Variants in RALGAPB observed in about 807,000 individuals in gnomAD.
RALGAPB encodes Ral GTPase activating protein non-catalytic subunit beta.
Under a neutral mutation model 161.1 loss-of-function variants are expected in RALGAPB, and 25 were observed. The ratio of observed to expected loss-of-function variants is 0.16; its 90% CI spans 0.11 to 0.22. The LOEUF (loss-of-function observed/expected upper bound fraction) is 0.22, where lower values mean the gene tolerates loss of function less well. Among genes scored for constraint, RALGAPB ranks in the 10% least tolerant of loss-of-function variants. The probability of loss-of-function intolerance (pLI) is 1.00; values close to 1 mark genes in which losing one functional copy is unlikely to be tolerated. For missense variants in RALGAPB, 1,391 were observed against 1,815.2 expected, an observed-to-expected ratio of 0.77 and a Z score of 4.25; for synonymous variants, 629 against 626.1, an observed-to-expected ratio of 1.00 and a Z score of -0.07.
chr20:38,541,097 C>G lies in RALGAPB; in HGVS notation c.2619C>G (p.Ser873=). Residue 873 remains serine, a synonymous_variant, in exon 18 of 30, where the codon TCC becomes TCG. Coordinates refer to ENST00000262879, the MANE Select transcript of RALGAPB (RefSeq NM_020336.4). The part of the protein sequence containing the change: ...IVELGISGSK[S]KNNEQEVKYK... The stretch of plus-strand genomic sequence containing the variant: ...AACTGGGTATCTCAGGAAGTAAGTC[C>G]AAGAACAATGAGCAAGAGGTCAAGT... 1.2e-6 allele frequency: 2 copies of G among 1,613,996 alleles called. No individual in the cohort carries two copies. Among genetic ancestry groups the G allele is most frequent in the Non-Finnish European group, 1.7e-6 (2 of 1,179,986 alleles).
intron 3 of RALGAPB, among the ~76,000 whole-genome samples, chr20:38,493,656 C>T (rs2085336847): frequency 6.6e-6 from 1 of 152,154 alleles, no homozygotes; most frequent in African/African-American, 2.4e-5. Context: ...AGCAGTAGAA[C>T]ATGTTTCCTT....
intron 1 of RALGAPB, among the ~76,000 whole-genome samples, chr20:38,473,931 CTCTT>C (rs1443096325): frequency 2.0e-5 from 3 of 152,170 alleles, no homozygotes; most frequent in Non-Finnish European, 4.4e-5. Context: ...AAAAGCATCT[CTCTT>C]TCTCCAGCTT....
In RALGAPB at chr20:38,486,974, C is replaced by T. The variant is rs898556646; in HGVS notation, c.-30-1429C>T. On this transcript the variant is annotated intron_variant, in intron 1 of 29. Transcript: ENST00000262879. ...CTGACACTTTTGTGGTGAATGTATC[C>T]GTACACCACTAATGAATGAGCTAAT... is the stretch of plus-strand genomic sequence containing the variant. Among the ~76,000 whole-genome samples, 11 of 152,280 alleles carry T rather than the reference C, an allele frequency of 7.2e-5. 1 individual carries two copies. In the East Asian group the frequency reaches 2.1e-3, roughly 29 times the overall value.
chr20:38,548,831 T>TGTG, intron 20 of RALGAPB, 36 bp downstream of exon 20: 1 of 1,520,844 alleles, frequency 6.6e-7, no homozygotes. Flanking sequence ...TGTGTGTGTG[T>TGTG]TTTGTAATTT....
intron 7 of RALGAPB, 102 bp from the exon 8 acceptor site, chr20:38,517,400 ATAGT>A: frequency 8.7e-7 from 1 of 1,153,638 alleles, no homozygotes; most frequent in Non-Finnish European, 1.2e-6. Flanking sequence ...AATCTCTGCT[ATAGT>A]CTATGTGTCC....
intron 4 of RALGAPB, 22 bp from the exon 5 acceptor site, chr20:38,499,425 G>T (rs201059121): frequency 7.7e-6 from 12 of 1,557,322 alleles, no homozygotes; most frequent in Non-Finnish European, 9.6e-6. Flanking sequence ...TGCCAAAGAT[G>T]TGTTTTCTTT....
chr20:38,570,052 C>A, intron 27 of RALGAPB, 56 bp downstream of exon 27: 2 of 1,404,414 alleles, frequency 1.4e-6, no homozygotes, highest in Non-Finnish European at 2.0e-6. Flanking sequence ...CAGTGACTTG[C>A]TAAATGTCTA....
intron 28 of RALGAPB, among the ~76,000 whole-genome samples, chr20:38,573,183 C>T (rs1202663618): frequency 6.6e-6 from 1 of 151,724 alleles, no homozygotes; most frequent in Non-Finnish European, 1.5e-5. Context: ...CCTCCTGCCT[C>T]GGCCTCTCAA....
Position 38,479,966 on chromosome 20 carries a change from TAAG to T in RALGAPB, c.-31+6898_-31+6900del, listed in dbSNP as rs539006724. Among the ~76,000 whole-genome samples, 109 of 152,220 alleles carry T rather than the reference TAAG, an allele frequency of 7.2e-4. 1 individual carries two copies. Among genetic ancestry groups the T allele is most frequent in the African/African-American group, 2.5e-3 (103 of 41,534 alleles). The stretch of plus-strand genomic sequence containing the variant: ...AGTTCCCGATGTGTCATGCCTGTGG[TAAG>T]GTTAAACTTTCTTCTTTTTTTTTTT... On this transcript the variant is annotated intron_variant, in intron 1 of 29. Transcript: ENST00000262879.
Position 38,566,864 on chromosome 20 carries a change from A to G in RALGAPB, c.3818-232A>G, listed in dbSNP as rs560244510. ...CGCCAAGAATGGGTTTTACATTCTT[A>G]AAGGGTTATAAATAAAATATAAAGA... On this transcript the variant is annotated intron_variant, in intron 25 of 29. Transcript: ENST00000262879. 4.6e-5 allele frequency among the ~76,000 whole-genome samples: 7 copies of G among 152,352 alleles called. No individual in the cohort carries two copies. The South Asian group carries it at 1.2e-3, about 27-fold the overall frequency.
At position 38,545,742 on chromosome 20, in the gene RALGAPB, G is replaced by A. The variant is rs777473504; in HGVS notation, c.2715-501G>A. Among the ~76,000 whole-genome samples the A allele has an allele frequency of 2.8e-4, 42 of 152,180 alleles. 1 individual carries two copies. The highest frequency in any genetic ancestry group is 4.1e-4 in the Non-Finnish European group (28 of 68,046). Reference sequence around the variant, plus strand: ...GCCTCTAATGGTTTGCAGAAAATAGGAGAAACACCAGGAGATCAATAATGA... The same window carrying A: ...GCCTCTAATGGTTTGCAGAAAATAGAAGAAACACCAGGAGATCAATAATGA... On this transcript the variant is annotated intron_variant, in intron 18 of 29. Coordinates refer to ENST00000262879, the MANE Select transcript of RALGAPB (RefSeq NM_020336.4).
chr20:38,473,270 C>G (rs534790357), intron 1 of RALGAPB, among the ~76,000 whole-genome samples: 2 of 152,208 alleles, frequency 1.3e-5, no homozygotes, highest in African/African-American at 4.8e-5. Flanking sequence ...CGGCTGCTGT[C>G]GAGTCTGTGT....
intron 23 of RALGAPB, among the ~76,000 whole-genome samples, chr20:38,560,412 C>T (rs965022924): frequency 1.3e-5 from 2 of 152,134 alleles, no homozygotes; most frequent in African/African-American, 4.8e-5. Context: ...AGCAGATTGT[C>T]ACTGACAAAA....
At position 38,558,333 on chromosome 20, in the gene RALGAPB, A is replaced by G. The variant is rs761209005; in HGVS notation, c.3411A>G (p.Ala1137=). ...GTCGTCTACCTCCTCACCTTATTGC[A>G]CTTGATTCCACGATACCTGGATTTT... ...ANSRLPPHLI[A]LDSTIPGFFD... Residue 1137 remains alanine (A), a synonymous_variant, in exon 23 of 30, where the codon GCA becomes GCG. Transcript: ENST00000262879. The G allele has an allele frequency of 3.1e-6, 5 of 1,600,416 alleles. No homozygotes were observed. The highest frequency in any genetic ancestry group is 3.4e-6 in the Non-Finnish European group (4 of 1,172,378).
intron 16 of RALGAPB, among the ~76,000 whole-genome samples, chr20:38,536,984 G>A (rs1218544589): frequency 1.3e-5 from 2 of 152,152 alleles, no homozygotes; most frequent in Non-Finnish European, 2.9e-5. Flanking sequence ...TGAGAGCAAG[G>A]TACTGTTTCC....
chr20:38,480,878 C>T (rs11907093), intron 1 of RALGAPB, among the ~76,000 whole-genome samples: 11,105 of 151,834 alleles, frequency 0.073, 1,425 homozygotes, highest in African/African-American at 0.25. Flanking sequence ...GCTGGGACTA[C>T]AGGCGTGTGC....
intron 24 of RALGAPB, among the ~76,000 whole-genome samples, chr20:38,564,611 A>G (rs1374529040): frequency 6.6e-6 from 1 of 152,168 alleles, no homozygotes; most frequent in East Asian, 1.9e-4. Flanking sequence ...AGTTCATTTT[A>G]ATTGAGAACT....
chr20:38,505,188 G>A (rs909011527), intron 5 of RALGAPB, among the ~76,000 whole-genome samples: 1 of 152,168 alleles, frequency 6.6e-6, no homozygotes. Context: ...GATGCCCGTC[G>A]GTGGTAGACT....
intron 16 of RALGAPB, among the ~76,000 whole-genome samples, chr20:38,539,560 G>A (rs1162409484): frequency 6.6e-6 from 1 of 152,172 alleles, no homozygotes; most frequent in Non-Finnish European, 1.5e-5. Flanking sequence ...CTATGCTAAT[G>A]AAATACTGTT....
Sources: allele counts gnomAD v4.1 joint callset (sites outside exome capture counted in the v4.1 genomes callset), GRCh38; gene constraint gnomAD v4.1.1; transcripts MANE v1.5; gene names NCBI Gene and HGNC (gene_info 2026-07-23, HGNC 2026-07-21).